Variants in ANXA8 observed in about 807,000 individuals in gnomAD.
ANXA8 encodes annexin A8, also known as VAC-beta.
In ANXA8, 9 loss-of-function variants were observed where a neutral mutation model predicts 26.8. The ratio of observed to expected loss-of-function variants is 0.34; its 90% CI spans 0.20 to 0.59. The LOEUF is 0.59. Among genes scored for constraint, ANXA8 ranks in the 20% least tolerant of loss-of-function variants. The pLI, the probability that ANXA8 is intolerant of heterozygous loss-of-function variation, is 0.84. For synonymous variants in ANXA8, 39 were observed against 94.8 expected (o/e 0.41, Z 3.42); for missense variants, 83 against 238.5 (o/e 0.35, Z 4.29).
chr10:47,907,091 T>C, the ANXA8 span, among the ~76,000 whole-genome samples: 1 of 151,758 alleles, frequency 6.6e-6, no homozygotes, highest in Admixed American at 6.6e-5. Context: ...GCGCGGTGGC[T>C]CATGCTTGTA....
At chr10:47,484,272 A>C (rs1295871106), upstream of ANXA8, 1 of 672,686 alleles carries the variant, frequency 1.5e-6, no homozygotes, top group Admixed American at 2.1e-5. Context: ...CCCACTCAGT[A>C]AACACAGCTC....
At chr10:47,674,790 T>C in the ANXA8 span, among the ~76,000 whole-genome samples, 2 of 151,842 alleles carry the variant, frequency 1.3e-5, no homozygotes, top group East Asian at 3.8e-4. Flanking sequence ...AAAATCTTAT[T>C]ATTGCTTTAT....
the ANXA8 span, chr10:47,696,501 C>G: frequency 7.6e-7 from 1 of 1,309,050 alleles, no homozygotes. Flanking sequence ...ATCTATTCAG[C>G]CTGAAGAATG....
At chr10:47,631,161 T>C in the ANXA8 span, among the ~76,000 whole-genome samples, 2 of 150,176 alleles carry the variant, frequency 1.3e-5, no homozygotes, top group Non-Finnish European at 2.9e-5. Context: ...ACAAATATAA[T>C]TTTGTATGCT....
the ANXA8 span, among the ~76,000 whole-genome samples, chr10:47,950,682 T>C: frequency 1.3e-5 from 2 of 150,876 alleles, no homozygotes; most frequent in East Asian, 4.0e-4. Flanking sequence ...GAAGGATATC[T>C]AGAAAATCCC....
the ANXA8 span, among the ~76,000 whole-genome samples, chr10:47,652,458 G>A: frequency 6.6e-6 from 1 of 151,286 alleles, no homozygotes; most frequent in African/African-American, 2.5e-5. Context: ...TTGGCTGGGC[G>A]TGTTGGTACA....
chr10:47,595,948 C>A, the ANXA8 span, among the ~76,000 whole-genome samples: 1 of 148,928 alleles, frequency 6.7e-6, no homozygotes, highest in Non-Finnish European at 1.5e-5. Context: ...ACCCAACAAC[C>A]ACAATATATA....
At chr10:47,603,310 G>T in the ANXA8 span, among the ~76,000 whole-genome samples, 19 of 149,370 alleles carry the variant, frequency 1.3e-4, no homozygotes, top group Admixed American at 2.6e-4. Flanking sequence ...ATTATAGAAA[G>T]AAATGAGTTC....
At chr10:47,987,012 C>G in the ANXA8 span, 2 of 535,344 alleles carry the variant, frequency 3.7e-6, no homozygotes, top group Middle Eastern at 5.0e-4. Context: ...GAACACAGCC[C>G]GGGGAAAGGG....
the ANXA8 span, among the ~76,000 whole-genome samples, chr10:47,590,562 C>A: frequency 6.8e-6 from 1 of 146,308 alleles, no homozygotes; most frequent in Non-Finnish European, 1.5e-5. Context: ...TGCATTGCAG[C>A]TGCTATAATT....
the ANXA8 span, among the ~76,000 whole-genome samples, chr10:47,684,292 A>G: frequency 2.0e-5 from 3 of 152,150 alleles, no homozygotes; most frequent in Non-Finnish European, 4.4e-5. Context: ...GCCAGTTTCC[A>G]TCCTCCTACT....
At chr10:47,969,936 T>G in the ANXA8 span, 4 of 151,364 alleles carry the variant, frequency 2.6e-5, no homozygotes. Context: ...TAGTAAGCCA[T>G]CTTTCTCTCT....
At chr10:47,924,481 G>A in the ANXA8 span, among the ~76,000 whole-genome samples, 14 of 149,210 alleles carry the variant, frequency 9.4e-5, no homozygotes, top group African/African-American at 1.5e-4. Flanking sequence ...GGATGTCTCC[G>A]CATGGTTCTG....
chr10:47,598,920 CCAT>C, the ANXA8 span, among the ~76,000 whole-genome samples: 3 of 16,982 alleles, frequency 1.8e-4, no homozygotes, highest in Non-Finnish European at 9.6e-4. Context: ...AAAATGATTT[CCAT>C]GAATAAAACG....
the ANXA8 span, among the ~76,000 whole-genome samples, chr10:47,650,472 A>C: frequency 6.6e-6 from 1 of 151,904 alleles, no homozygotes; most frequent in Non-Finnish European, 1.5e-5. Flanking sequence ...TATGTAAAGA[A>C]CTATCACAGC....
chr10:47,907,218 G>C, the ANXA8 span, among the ~76,000 whole-genome samples: 2 of 151,940 alleles, frequency 1.3e-5, no homozygotes, highest in Non-Finnish European at 2.9e-5. Flanking sequence ...TTAGCCGGGC[G>C]TGGTGGCGGG....
At chr10:47,743,792 G>T in the ANXA8 span, among the ~76,000 whole-genome samples, 2 of 149,936 alleles carry the variant, frequency 1.3e-5, no homozygotes, top group Non-Finnish European at 3.0e-5. Flanking sequence ...CCACCTCGCG[G>T]CCCGGCCTGA....
chr10:47,706,981 TTG>T, the ANXA8 span, among the ~76,000 whole-genome samples: 1 of 142,496 alleles, frequency 7.0e-6, no homozygotes, highest in African/African-American at 2.4e-5. Flanking sequence ...AATTTATATA[TTG>T]TGTTTCTTAA....
At chr10:47,683,991 T>A in the ANXA8 span, among the ~76,000 whole-genome samples, 1 of 151,994 alleles carries the variant, frequency 6.6e-6, no homozygotes, top group East Asian at 1.9e-4. Flanking sequence ...CAATTCATCC[T>A]GTTTTAGAAA....
Sources: gnomAD v4.1 joint callset for allele counts (sites outside exome capture counted in the v4.1 genomes callset) on GRCh38, gnomAD v4.1.1 for gene constraint, MANE v1.5 for transcripts, NCBI Gene and HGNC (gene_info 2026-07-23, HGNC 2026-07-21) for gene names.